CSMD1: variants seen among roughly 807,000 people sequenced by gnomAD.
CSMD1 encodes CUB and Sushi multiple domains 1.
In CSMD1, 213 loss-of-function variants were observed where a neutral mutation model predicts 417.5. The observed-to-expected ratio is 0.51, with a 90% confidence interval of 0.46 to 0.57. The LOEUF (loss-of-function observed/expected upper bound fraction) is 0.57, where lower values mean the gene tolerates loss of function less well. Ranked by LOEUF, CSMD1 falls within the 20% of genes least tolerant of loss-of-function variation. The pLI, the probability that CSMD1 is intolerant of heterozygous loss-of-function variation, is 0.00. For synonymous variants in CSMD1, 2,862 were observed against 1,736.8 expected, an observed-to-expected ratio of 1.65 and a Z score of -16.11; for missense variants, 6,923 against 4,529.7, an observed-to-expected ratio of 1.53 and a Z score of -15.17.
chr8:4,559,166 T>A (rs866579259), intron 2 of CSMD1, among the ~76,000 whole-genome samples: 1 of 152,198 alleles, frequency 6.6e-6, no homozygotes, highest in Non-Finnish European at 1.5e-5. Context: ...GGTCTTTGTA[T>A]TATTGTCAAC....
At chr8:2,993,652 T>C (rs572448289) in intron 54 of CSMD1, among the ~76,000 whole-genome samples, 143 of 152,320 alleles carry the variant, frequency 9.4e-4, no homozygotes, top group African/African-American at 3.3e-3. Flanking sequence ...CCGGGACGTA[T>C]AGATCTAATC....
intron 2 of CSMD1, among the ~76,000 whole-genome samples, chr8:4,445,377 G>C (rs557500955): frequency 6.6e-6 from 1 of 152,138 alleles, no homozygotes; most frequent in Non-Finnish European, 1.5e-5. Flanking sequence ...CATTTGAGGA[G>C]CTCAACAAAT....
chr8:3,077,950 GCTGA>G (rs1463307192), intron 49 of CSMD1, among the ~76,000 whole-genome samples: 1 of 152,144 alleles, frequency 6.6e-6, no homozygotes, highest in East Asian at 1.9e-4. Context: ...AAAGTTCTGG[GCTGA>G]CTTTTTCATC....
chr8:3,836,225 A>G (rs1488646947), intron 5 of CSMD1, among the ~76,000 whole-genome samples: 3 of 152,090 alleles, frequency 2.0e-5, no homozygotes, highest in Admixed American at 6.6e-5. Flanking sequence ...ACATTCTTTA[A>G]ATATCTTTAA....
At chr8:3,625,053 A>G (rs970753355) in intron 7 of CSMD1, among the ~76,000 whole-genome samples, 1 of 149,186 alleles carries the variant, frequency 6.7e-6, no homozygotes, top group East Asian at 2.0e-4. Flanking sequence ...CCTACGAGAC[A>G]TTTCTACATG....
chr8:3,525,262 A>C (rs1049659947), intron 10 of CSMD1, among the ~76,000 whole-genome samples: 3 of 152,134 alleles, frequency 2.0e-5, no homozygotes, highest in African/African-American at 7.2e-5. Context: ...GGGTCCTTAA[A>C]AGCACTCAGG....
intron 52 of CSMD1, among the ~76,000 whole-genome samples, chr8:3,017,029 G>A (rs772355704): frequency 6.6e-6 from 1 of 152,194 alleles, no homozygotes; most frequent in South Asian, 2.1e-4. Context: ...ATCTCCCAAA[G>A]CACCAACGAA....
In CSMD1 at chr8:3,018,551, T is replaced by G. The variant is rs1456853219; in HGVS notation, c.7955A>C (p.Tyr2652Ser). Reference sequence around the variant, plus strand: ...TCTGACATGAGACCCCACAAGCGTGTAGCCGGTGTTGCACGTAAATATAGC... The same window carrying G: ...TCTGACATGAGACCCCACAAGCGTGGAGCCGGTGTTGCACGTAAATATAGC... ...ATAIFTCNTG[Y>S]TLVGSHVREC... The change falls in exon 52 of 70, where the codon TAC becomes TCC. Residue 2652 changes from tyrosine to serine, a missense_variant. Physicochemically the swap from Tyr to Ser is moderately radical, Grantham distance 144. Transcript: ENST00000635120. The G allele has an allele frequency of 4.3e-6, 7 of 1,613,814 alleles. No homozygotes were observed. Among genetic ancestry groups the G allele is most frequent in the Non-Finnish European group, 5.9e-6 (7 of 1,179,860 alleles).
chr8:3,998,255 G>T (rs917176339), intron 4 of CSMD1, 145 bp from the exon 5 acceptor site: 3 of 656,264 alleles, frequency 4.6e-6, no homozygotes, highest in Non-Finnish European at 7.8e-6. Context: ...GAATCTTTTG[G>T]TATGTTAATG....
At chr8:4,103,126 T>C (rs1801390644) in intron 3 of CSMD1, among the ~76,000 whole-genome samples, 1 of 152,170 alleles carries the variant, frequency 6.6e-6, no homozygotes, top group Non-Finnish European at 1.5e-5. Context: ...TGAACACGAG[T>C]TAACAGTTAT....
chr8:4,704,307 G>T (rs1375508725), intron 1 of CSMD1, among the ~76,000 whole-genome samples: 1 of 152,174 alleles, frequency 6.6e-6, no homozygotes, highest in Admixed American at 6.5e-5. Flanking sequence ...ATTTTATTCA[G>T]CATTGAGTGT....
At chr8:4,325,256 C>T (rs900087440) in intron 3 of CSMD1, among the ~76,000 whole-genome samples, 6 of 152,128 alleles carry the variant, frequency 3.9e-5, no homozygotes, top group Non-Finnish European at 1.5e-5. Flanking sequence ...CTTTCAAGAC[C>T]TTCTTCTGTT....
At chr8:3,478,450 G>C (rs1053014486) in intron 11 of CSMD1, among the ~76,000 whole-genome samples, 1 of 152,106 alleles carries the variant, frequency 6.6e-6, no homozygotes, top group African/African-American at 2.4e-5. Context: ...CCCCCTCTGT[G>C]TAAAACACAA....
At chr8:4,213,137 G>A (rs751079340) in intron 3 of CSMD1, among the ~76,000 whole-genome samples, 1 of 152,108 alleles carries the variant, frequency 6.6e-6, no homozygotes, top group Non-Finnish European at 1.5e-5. Flanking sequence ...GACAACATCT[G>A]GAAAATTTCT....
intron 2 of CSMD1, among the ~76,000 whole-genome samples, chr8:4,450,356 G>T (rs982748407): frequency 6.6e-6 from 1 of 152,110 alleles, no homozygotes; most frequent in Non-Finnish European, 1.5e-5. Flanking sequence ...AGCCGGGTGT[G>T]GTGGCTCACA....
intron 10 of CSMD1, among the ~76,000 whole-genome samples, chr8:3,568,778 G>T (rs534006456): frequency 2.3e-4 from 35 of 152,026 alleles, no homozygotes; most frequent in Non-Finnish European, 4.3e-4. Flanking sequence ...CCTAAAAGAT[G>T]TTAGTAGAAG....
chr8:4,056,233 T>G (rs1798683560), intron 3 of CSMD1, among the ~76,000 whole-genome samples: 1 of 151,480 alleles, frequency 6.6e-6, no homozygotes, highest in African/African-American at 2.4e-5. Flanking sequence ...AGGTGTGTAC[T>G]CCCACTCCTG....
chr8:4,816,762 G>T (rs1395877599), intron 1 of CSMD1, among the ~76,000 whole-genome samples: 1 of 152,138 alleles, frequency 6.6e-6, no homozygotes, highest in Non-Finnish European at 1.5e-5. Context: ...ACTCATCTAG[G>T]ACTGAGGATG....
At chr8:3,081,878 T>A (rs927685545) in intron 49 of CSMD1, among the ~76,000 whole-genome samples, 1 of 152,246 alleles carries the variant, frequency 6.6e-6, no homozygotes, top group Non-Finnish European at 1.5e-5. Flanking sequence ...CATCTTTTCT[T>A]AGCCTCAGAG....
Sources: gnomAD v4.1 joint callset for allele counts (sites outside exome capture counted in the v4.1 genomes callset) on GRCh38, gnomAD v4.1.1 for gene constraint, MANE v1.5 for transcripts, NCBI Gene and HGNC (gene_info 2026-07-23, HGNC 2026-07-21) for gene names.